RBBP8: variants seen among roughly 807,000 people sequenced by gnomAD.
RBBP8 encodes the protein RB binding protein 8, endonuclease, also known as DNA endonuclease RBBP8.
A neutral mutation model predicts 108.3 loss-of-function variants in RBBP8; 88 were observed. That is an observed-to-expected ratio of 0.81 (90% CI 0.68 to 0.97). The LOEUF is 0.97. Ranked by LOEUF, RBBP8 falls within the 50% of genes least tolerant of loss-of-function variation. RBBP8 has a pLI of 0.00. For synonymous variants in RBBP8, 332 were observed against 348.2 expected (o/e 0.95, Z 0.52); for missense variants, 1,023 against 1,049.0 (o/e 0.98, Z 0.34).
upstream of RBBP8, chr18:22,929,537 T>TGG (rs1909938987): frequency 8.1e-6 from 1 of 123,580 alleles, no homozygotes; most frequent in African/African-American, 3.6e-5. Flanking sequence ...TGTGTGTGTG[T>TGG]GTGTGTGTGT....
chr18:22,957,643 T>C (rs1912700392), intron 4 of RBBP8, among the ~76,000 whole-genome samples: 2 of 152,116 alleles, frequency 1.3e-5, no homozygotes, highest in Non-Finnish European at 1.5e-5. Context: ...TCTTGTGAAA[T>C]TGGGAGTGTT....
chr18:22,943,005 TG>T (rs1373907588), intron 2 of RBBP8, among the ~76,000 whole-genome samples: 1 of 152,058 alleles, frequency 6.6e-6, no homozygotes, highest in African/African-American at 2.4e-5. Flanking sequence ...TGGGAAAGTT[TG>T]GGGGCTCTAA....
In RBBP8 at chr18:23,020,008, C is replaced by T. The variant is rs549475532; in HGVS notation, c.2455-2121C>T. On this transcript the variant is annotated intron_variant, in intron 17 of 18. Coordinates refer to ENST00000327155, the MANE Select transcript of RBBP8 (RefSeq NM_002894.3). ...CGATCTCCTGACCTCGTGATCCGCCCGCTTCAGCCTCCCAAAGTGCTGGGA... is the reference window on the plus strand; with the variant it reads ...CGATCTCCTGACCTCGTGATCCGCCTGCTTCAGCCTCCCAAAGTGCTGGGA... Among the ~76,000 whole-genome samples the T allele has an allele frequency of 4.9e-3, 748 of 151,862 alleles. 6 individuals carry two copies. Among genetic ancestry groups the T allele is most frequent in the African/African-American group, 0.017 (718 of 41,440 alleles).
chr18:22,937,037 C>G (rs1910632939), intron 2 of RBBP8, 77 bp downstream of exon 2: 1 of 1,588,156 alleles, frequency 6.3e-7, no homozygotes, highest in African/African-American at 1.4e-5. Context: ...GTATGACAGT[C>G]CTGTTTATTA....
intron 6 of RBBP8, among the ~76,000 whole-genome samples, chr18:22,978,908 C>T (rs116402143): frequency 0.014 from 2,109 of 152,306 alleles, 51 homozygotes; most frequent in African/African-American, 0.047. Context: ...TCATTCTACA[C>T]TGTAAACATG....
intron 14 of RBBP8, 164 bp from the exon 15 acceptor site, chr18:23,001,422 A>G: frequency 1.4e-6 from 1 of 739,818 alleles, no homozygotes; most frequent in Non-Finnish European, 2.3e-6. Flanking sequence ...CACAGTTACT[A>G]AGCTCAGTAC....
chr18:23,008,666 T>C (rs1232456839), intron 16 of RBBP8, among the ~76,000 whole-genome samples: 1 of 152,080 alleles, frequency 6.6e-6, no homozygotes, highest in African/African-American at 2.4e-5. Flanking sequence ...TAGTGAGAAA[T>C]GGTGTTTAGG....
intron 3 of RBBP8, among the ~76,000 whole-genome samples, chr18:22,921,133 G>A (rs1298552276): frequency 2.0e-5 from 3 of 152,166 alleles, no homozygotes; most frequent in Admixed American, 1.3e-4. Flanking sequence ...GTAAGAGCCT[G>A]AGACCTCTGG....
At chr18:22,919,655 G>A (rs772839925) in intron 3 of RBBP8, among the ~76,000 whole-genome samples, 3 of 152,046 alleles carry the variant, frequency 2.0e-5, no homozygotes, top group Non-Finnish European at 4.4e-5. Flanking sequence ...AGGTTCAAGC[G>A]ATTCTCCTGC....
At chr18:22,958,797 C>T (rs1391154843) in intron 4 of RBBP8, among the ~76,000 whole-genome samples, 1 of 152,218 alleles carries the variant, frequency 6.6e-6, no homozygotes, top group East Asian at 1.9e-4. Context: ...CCACCTCAGC[C>T]TCCCAGAGTA....
chr18:22,970,090 A>G (rs1913957277), intron 5 of RBBP8, among the ~76,000 whole-genome samples: 2 of 152,216 alleles, frequency 1.3e-5, no homozygotes, highest in Non-Finnish European at 2.9e-5. Flanking sequence ...ACTTTAAATC[A>G]TCTCTAGATT....
rs762026519 is a variant in RBBP8, at chr18:22,985,008, A to G, written c.709+18A>G. The G allele has an allele frequency of 1.6e-5, 25 of 1,609,456 alleles. No individual in the cohort carries two copies. The highest frequency in any genetic ancestry group is 2.7e-5 in the African/African-American group (2 of 74,842). ...AATGGCCAGTAAGCAAGATACTGAG[A>G]TTACTTTACAAGTTTAAAATTGTGG... is the stretch of plus-strand genomic sequence containing the variant. On this transcript the variant is annotated intron_variant, in intron 8 of 18. Transcript: ENST00000327155.
intron 2 of RBBP8, chr18:22,916,904 T>C (rs1909384644): frequency 6.6e-6 from 1 of 152,206 alleles, no homozygotes; most frequent in Non-Finnish European, 1.5e-5. Flanking sequence ...ATTTAGGATT[T>C]GCCTAAGTTA....
chr18:22,948,527 C>T (rs1463082962), intron 3 of RBBP8, among the ~76,000 whole-genome samples: 4 of 152,008 alleles, frequency 2.6e-5, no homozygotes, highest in South Asian at 2.1e-4. Context: ...GTTGCTCTTA[C>T]GTGTATTGGT....
chr18:23,020,579 C>T (rs960859456), intron 17 of RBBP8, among the ~76,000 whole-genome samples: 4 of 151,802 alleles, frequency 2.6e-5, no homozygotes, highest in African/African-American at 9.7e-5. Context: ...TTCAGCTCAG[C>T]AATGAATGGC....
chr18:22,957,172 C>CAT (rs1411853166), intron 4 of RBBP8, among the ~76,000 whole-genome samples: 2 of 151,926 alleles, frequency 1.3e-5, no homozygotes, highest in African/African-American at 4.8e-5. Context: ...ATTTAAACAT[C>CAT]ATATTATTCA....
chr18:22,946,486 TGTAA>T lies in RBBP8; in HGVS notation c.152+4_152+7del, dbSNP rs1272130787. 5 of 1,612,484 alleles carry T rather than the reference TGTAA, an allele frequency of 3.1e-6. No homozygotes were observed. Among genetic ancestry groups the T allele is most frequent in the Non-Finnish European group, 4.2e-6 (5 of 1,179,156 alleles). On this transcript the variant is annotated splice_donor_variant and splice_donor_region_variant and intron_variant, in intron 3 of 18. Coordinates refer to ENST00000327155, the MANE Select transcript of RBBP8 (RefSeq NM_002894.3). LOFTEE classifies it high-confidence loss of function. ...ACCAAGCTAAAACAGGAACGAATCTTGTAAGTATCAGTATGTAATACTCATGTGT... is the reference window on the plus strand; with the variant it reads ...ACCAAGCTAAAACAGGAACGAATCTTGTATCAGTATGTAATACTCATGTGT...
Position 22,925,756 on chromosome 18 carries a change from CATA to C in RBBP8, c.-153-3623_-153-3621del, listed in dbSNP as rs780859481. 1.3e-3 allele frequency among the ~76,000 whole-genome samples: 204 copies of C among 152,306 alleles called. 1 individual carries two copies. The highest frequency in any genetic ancestry group is 2.0e-3 in the Non-Finnish European group (135 of 68,036). ...TGACTTGTTCCGACGGTTAGCCCTTCATAATATTTTCCATTGCTGTAAATAAAT... is the reference window on the plus strand; with the variant it reads ...TGACTTGTTCCGACGGTTAGCCCTTCATATTTTCCATTGCTGTAAATAAAT... On this transcript the variant is annotated intron_variant, in intron 3 of 4. Transcript: ENST00000577588.
chr18:22,924,137 T>TTG (rs1909704726), intron 3 of RBBP8, among the ~76,000 whole-genome samples: 1 of 143,356 alleles, frequency 7.0e-6, no homozygotes, highest in Non-Finnish European at 1.5e-5. Context: ...GTTTTTTTTT[T>TTG]TTTTTTTTTT....
Sources: gnomAD v4.1 joint callset for allele counts (sites outside exome capture counted in the v4.1 genomes callset) on GRCh38, gnomAD v4.1.1 for gene constraint, MANE v1.5 for transcripts, NCBI Gene and HGNC (gene_info 2026-07-23, HGNC 2026-07-21) for gene names.